GPATCH8: variants seen among roughly 807,000 people sequenced by gnomAD.
GPATCH8 encodes G patch domain-containing protein 8.
Under a neutral mutation model 118.3 loss-of-function variants are expected in GPATCH8, and 18 were observed. That is an observed-to-expected ratio of 0.15 (90% CI 0.11 to 0.23). The LOEUF (loss-of-function observed/expected upper bound fraction) is 0.23. GPATCH8 is among the 10% of genes least tolerant of loss of function. The probability of loss-of-function intolerance (pLI) is 1.00; values close to 1 mark genes in which losing one functional copy is unlikely to be tolerated. For synonymous variants in GPATCH8, 659 were observed against 684.7 expected, an observed-to-expected ratio of 0.96 and a Z score of 0.59; for missense variants, 1,631 against 1,873.8, an observed-to-expected ratio of 0.87 and a Z score of 2.39.
chr17:44,397,533 C>T lies in GPATCH8; in HGVS notation c.*35G>A, dbSNP rs781177916. 2 of 1,445,704 alleles carry T rather than the reference C, an allele frequency of 1.4e-6. No homozygotes were observed. The highest frequency in any genetic ancestry group is 1.9e-6 in the Non-Finnish European group (2 of 1,026,908). The allele number at this position is 1,445,704 out of a possible 1,614,324, so 89.6% of individuals were successfully genotyped here. The stretch of plus-strand genomic sequence containing the variant: ...CCCCAAGGGAACATTTATGGGTCTC[C>T]TCCCCTGGCCCTACCTAGGATCCCA... On this transcript the variant is annotated 3_prime_UTR_variant, in exon 8 of 8. Transcript: ENST00000591680.
chr17:44,487,787 T>C (rs1434025399), intron 1 of GPATCH8, among the ~76,000 whole-genome samples: 1 of 152,204 alleles, frequency 6.6e-6, no homozygotes, highest in East Asian at 1.9e-4. Context: ...ACATTTATGT[T>C]GGGGGTAGGT....
At chr17:44,471,237 T>A (rs1967255942) in intron 2 of GPATCH8, among the ~76,000 whole-genome samples, 1 of 152,238 alleles carries the variant, frequency 6.6e-6, no homozygotes, top group African/African-American at 2.4e-5. Flanking sequence ...TGGATTTTGA[T>A]ATATTTTCAA....
At chr17:44,429,282 CCCTT>C (rs1434296923) in intron 5 of GPATCH8, among the ~76,000 whole-genome samples, 3 of 152,024 alleles carry the variant, frequency 2.0e-5, no homozygotes, top group Non-Finnish European at 4.4e-5. Flanking sequence ...GTTTAAAAGA[CCCTT>C]CCATGAATCT....
intron 3 of GPATCH8, among the ~76,000 whole-genome samples, chr17:44,451,882 G>C (rs1474312635): frequency 6.6e-6 from 1 of 152,190 alleles, no homozygotes; most frequent in Non-Finnish European, 1.5e-5. Context: ...CTCCAGGATA[G>C]GGAAGTAAGC....
chr17:44,456,711 A>G (rs1330828877), intron 3 of GPATCH8, among the ~76,000 whole-genome samples: 1 of 152,176 alleles, frequency 6.6e-6, no homozygotes, highest in African/African-American at 2.4e-5. Context: ...CCTACATTGT[A>G]TTCACCATTT....
chr17:44,447,062 C>T (rs987482461), intron 3 of GPATCH8, among the ~76,000 whole-genome samples: 1 of 152,096 alleles, frequency 6.6e-6, no homozygotes, highest in Non-Finnish European at 1.5e-5. Context: ...TCTCGAACTC[C>T]TGACCTCAAG....
At chr17:44,433,444 G>C (rs1433587762) in intron 5 of GPATCH8, among the ~76,000 whole-genome samples, 1 of 152,132 alleles carries the variant, frequency 6.6e-6, no homozygotes, top group Non-Finnish European at 1.5e-5. Context: ...TTTCTGACTA[G>C]TACAGAAAGC....
chr17:44,470,729 C>T (rs1346756666), intron 2 of GPATCH8, among the ~76,000 whole-genome samples: 2 of 152,094 alleles, frequency 1.3e-5, no homozygotes, highest in South Asian at 2.1e-4. Flanking sequence ...AGGCTGTTCT[C>T]GAACTCCTGA....
At chr17:44,477,807 T>C (rs995719437) in intron 1 of GPATCH8, among the ~76,000 whole-genome samples, 1 of 152,012 alleles carries the variant, frequency 6.6e-6, no homozygotes, top group Non-Finnish European at 1.5e-5. Context: ...ATCCTGAAAG[T>C]CTTTTTGTTT....
intron 6 of GPATCH8, among the ~76,000 whole-genome samples, chr17:44,422,767 C>T (rs892006766): frequency 3.3e-5 from 5 of 151,550 alleles, no homozygotes; most frequent in African/African-American, 1.2e-4. Context: ...CGTGAGCCAC[C>T]GCACCCGGCC....
chr17:44,460,937 C>T (rs2051520550), intron 3 of GPATCH8, among the ~76,000 whole-genome samples: 1 of 152,154 alleles, frequency 6.6e-6, no homozygotes, highest in Non-Finnish European at 1.5e-5. Context: ...AGCACAATGC[C>T]TGCATGTACA....
intron 1 of GPATCH8, among the ~76,000 whole-genome samples, chr17:44,484,636 G>A (rs1598617865): frequency 6.6e-6 from 1 of 152,030 alleles, no homozygotes; most frequent in East Asian, 1.9e-4. Flanking sequence ...TTCCTCTAAT[G>A]GTCTTTTTCT....
At chr17:44,467,173 CGTTTTT>C in intron 2 of GPATCH8, 1 of 699,532 alleles carries the variant, frequency 1.4e-6, no homozygotes, top group Non-Finnish European at 2.1e-6. Flanking sequence ...CACTAATGGT[CGTTTTT>C]TTTTTTGTCT....
intron 3 of GPATCH8, among the ~76,000 whole-genome samples, chr17:44,443,951 G>C (rs1416194368): frequency 6.6e-6 from 1 of 152,210 alleles, no homozygotes; most frequent in Non-Finnish European, 1.5e-5. Context: ...TGGGATTACA[G>C]ACATGAGCCA....
At chr17:44,401,903 C>T (rs149382044) in intron 7 of GPATCH8, among the ~76,000 whole-genome samples, 3,358 of 152,018 alleles carry the variant, frequency 0.022, 114 homozygotes, top group African/African-American at 0.077. Context: ...ACTTGGGAGG[C>T]TGAGGCAGAA....
chr17:44,484,083 G>A (rs544779113), intron 1 of GPATCH8, among the ~76,000 whole-genome samples: 4 of 152,166 alleles, frequency 2.6e-5, no homozygotes, highest in Admixed American at 6.6e-5. Flanking sequence ...TTCGTGATCC[G>A]CCCGCCTCGG....
intron 1 of GPATCH8, among the ~76,000 whole-genome samples, chr17:44,479,890 C>A (rs536393162): frequency 2.3e-4 from 35 of 151,756 alleles, no homozygotes; most frequent in African/African-American, 8.5e-4. Flanking sequence ...CTGCTTGAAC[C>A]CAGGAGGCAG....
At chr17:44,493,484 T>A (rs886891132) in intron 1 of GPATCH8, among the ~76,000 whole-genome samples, 4 of 152,200 alleles carry the variant, frequency 2.6e-5, no homozygotes, top group Non-Finnish European at 5.9e-5. Context: ...AGAAGTACAA[T>A]GTTTTGCATA....
intron 5 of GPATCH8, among the ~76,000 whole-genome samples, chr17:44,426,848 ACTCTCTCTCTCTCTCT>A (rs71361571): frequency 8.5e-5 from 3 of 35,396 alleles, no homozygotes; most frequent in Non-Finnish European, 2.2e-4. Flanking sequence ...ACACACACAC[ACTCTCTCTCTCTCTCT>A]CTCTCTCTCT....
Sources: allele counts gnomAD v4.1 joint callset (sites outside exome capture counted in the v4.1 genomes callset), GRCh38; gene constraint gnomAD v4.1.1; transcripts MANE v1.5; gene names NCBI Gene and HGNC (gene_info 2026-07-23, HGNC 2026-07-21).